CACNA1D: variants seen among roughly 807,000 people sequenced by gnomAD.
CACNA1D encodes the protein voltage-dependent L-type calcium channel subunit alpha-1D.
In CACNA1D, 55 loss-of-function variants were observed where a neutral mutation model predicts 257.1. The ratio of observed to expected loss-of-function variants is 0.21; its 90% CI spans 0.17 to 0.27. The LOEUF (loss-of-function observed/expected upper bound fraction) is 0.27. Ranked by LOEUF, CACNA1D falls within the 10% of genes least tolerant of loss-of-function variation. The probability of loss-of-function intolerance (pLI) is 1.00; values close to 1 mark genes in which losing one functional copy is unlikely to be tolerated. For synonymous variants in CACNA1D, 980 were observed against 1,014.9 expected (o/e 0.97, Z 0.65); for missense variants, 1,876 against 2,784.0 (o/e 0.67, Z 7.34).
chr3:53,811,446 G>A lies in CACNA1D; in HGVS notation c.*40G>A. 2 of 1,488,094 alleles carry A rather than the reference G, an allele frequency of 1.3e-6. No homozygotes were observed. Among genetic ancestry groups the A allele is most frequent in the Non-Finnish European group, 1.8e-6 (2 of 1,114,706 alleles). The allele number at this position is 1,488,094 out of a possible 1,614,324, so 92.2% of individuals were successfully genotyped here. A position where few individuals can be genotyped will look rare whatever the true frequency, so the allele number is the denominator to read the frequency against. Reference sequence around the variant, plus strand: ...CAGACTGGCTCTGGCCTCAGGTGGGGCGCAGGAGAGCCAGGGGAAAAGTGC... The same window carrying A: ...CAGACTGGCTCTGGCCTCAGGTGGGACGCAGGAGAGCCAGGGGAAAAGTGC... On this transcript the variant is annotated 3_prime_UTR_variant, in exon 48 of 48. Coordinates refer to ENST00000350061, the MANE Select transcript of CACNA1D (RefSeq NM_001128840.3). This position sits in a 1 kb window ranked among gnomAD's most constrained non-coding sequence, Gnocchi z 4.2.
chr3:53,757,892 G>T (rs1293034260), intron 29 of CACNA1D, among the ~76,000 whole-genome samples: 1 of 152,166 alleles, frequency 6.6e-6, no homozygotes, highest in Non-Finnish European at 1.5e-5. Flanking sequence ...GCATCCGTTG[G>T]GGGCCTACTA....
chr3:53,573,955 C>A (rs141180416), intron 3 of CACNA1D, among the ~76,000 whole-genome samples: 1 of 152,142 alleles, frequency 6.6e-6, no homozygotes, highest in Non-Finnish European at 1.5e-5. Context: ...ATGAAGGAGT[C>A]GAGGAATAAG....
At chr3:53,672,917 G>C (rs1281123024) in intron 7 of CACNA1D, 106 bp from the exon 8 acceptor site, 2 of 743,562 alleles carry the variant, frequency 2.7e-6, no homozygotes, top group Non-Finnish European at 4.6e-6. Context: ...TTAAATCTAA[G>C]TAAATGTTTA....
In CACNA1D at chr3:53,808,724, T is replaced by C; in HGVS notation, c.5825T>C (p.Ile1942Thr). The C allele has an allele frequency of 6.2e-7, 1 of 1,608,934 alleles. No individual in the cohort carries two copies. The change falls in exon 46 of 48, where the codon ATC becomes ACC. Residue 1942 changes from isoleucine (I) to threonine (T), a missense_variant. Ile to Thr is a moderately conservative substitution (Grantham distance 89, BLOSUM62 -1). This residue lies in a region of CACNA1D where 491 missense variants were observed against 554.3 expected (regional missense o/e 0.89). Coordinates refer to ENST00000350061, the MANE Select transcript of CACNA1D (RefSeq NM_001128840.3). ...SSQEEVPSSP[I>T]FPHRTALPLH... ...CAGGAAGAGGTCCCGTCGTCTCCCA[T>C]CTTCCCCCATCGCACGGCCCTGCCT... is the stretch of plus-strand genomic sequence containing the variant.
In CACNA1D at chr3:53,678,676, C is replaced by T. The variant is rs184352208; in HGVS notation, c.1220+5550C>T. Among the ~76,000 whole-genome samples, 586 of 152,286 alleles carry T rather than the reference C, an allele frequency of 3.8e-3. 5 individuals carry two copies. Among genetic ancestry groups the T allele is most frequent in the Middle Eastern group, 0.017 (5 of 294 alleles). The stretch of plus-strand genomic sequence containing the variant: ...CTCAGGCATGGCTACTTTTAGGAAG[C>T]TTTGGTTTCCTAAGGCAAAGATTCA... On this transcript the variant is annotated intron_variant, in intron 8 of 47. Coordinates refer to ENST00000350061, the MANE Select transcript of CACNA1D (RefSeq NM_001128840.3).
intron 3 of CACNA1D, among the ~76,000 whole-genome samples, chr3:53,555,439 T>TGG (rs748894322): frequency 0.25 from 23,221 of 94,492 alleles, 3,203 homozygotes; most frequent in Non-Finnish European, 0.35. Context: ...TTCTGGTGGG[T>TGG]GTGTGTGTGT....
intron 3 of CACNA1D, among the ~76,000 whole-genome samples, chr3:53,578,986 G>A (rs1028375780): frequency 1.3e-5 from 2 of 152,154 alleles, no homozygotes; most frequent in African/African-American, 4.8e-5. Context: ...ACGAGGATGG[G>A]TATGCTGGGG....
At chr3:53,579,669 A>G (rs1406988017) in intron 3 of CACNA1D, among the ~76,000 whole-genome samples, 2 of 152,208 alleles carry the variant, frequency 1.3e-5, no homozygotes, top group Non-Finnish European at 2.9e-5. Flanking sequence ...GGTTGCTCTG[A>G]ACTGAACTTA....
chr3:53,763,249 C>T (rs1022420085), intron 30 of CACNA1D, among the ~76,000 whole-genome samples: 3 of 152,234 alleles, frequency 2.0e-5, no homozygotes, highest in South Asian at 4.1e-4. Context: ...GGTGTCAGTC[C>T]GCCTTTGTTA....
chr3:53,625,430 C>T (rs2093746184), intron 3 of CACNA1D, among the ~76,000 whole-genome samples: 1 of 152,198 alleles, frequency 6.6e-6, no homozygotes, highest in African/African-American at 2.4e-5. Context: ...TGCCTCTTGT[C>T]TCCAGCACTT....
At chr3:53,792,529 G>A (rs1184858501) in intron 40 of CACNA1D, 5 of 152,348 alleles carry the variant, frequency 3.3e-5, no homozygotes, top group African/African-American at 2.4e-5. Flanking sequence ...GTGTGCGAGT[G>A]CGTGTGTATG....
chr3:53,800,353 T>A lies in CACNA1D; in HGVS notation c.5028T>A (p.Asp1676Glu), dbSNP rs748990289. Residue 1676 changes from aspartate to glutamate, a missense_variant, in exon 41 of 48, where the codon GAT becomes GAA. Asp to Glu is a conservative substitution (Grantham distance 45). Transcript: ENST00000350061. This position sits in a 1 kb window ranked among gnomAD's most constrained non-coding sequence, Gnocchi z 4.3. ...EPEETKREEE[D>E]DVFKRNGALL... ...AGGAAACAAAACGAGAAGAAGAAGA[T>A]GATGTGTTCAAAGTAATTATTCCAC... 5.0e-6 allele frequency: 8 copies of A among 1,605,068 alleles called. No individual in the cohort carries two copies. The highest frequency in any genetic ancestry group is 2.2e-5 in the South Asian group (2 of 90,894).
At chr3:53,593,788 C>T (rs1418524028) in intron 3 of CACNA1D, among the ~76,000 whole-genome samples, 7 of 152,094 alleles carry the variant, frequency 4.6e-5, no homozygotes, top group African/African-American at 1.4e-4. Context: ...CCAACTAGCA[C>T]GTGGGCAGAA....
At chr3:53,549,091 G>A (rs145114352) in intron 3 of CACNA1D, among the ~76,000 whole-genome samples, 6 of 152,266 alleles carry the variant, frequency 3.9e-5, no homozygotes, top group East Asian at 3.9e-4. Flanking sequence ...AGCACTTAGC[G>A]GGCCTTAAGA....
intron 5 of CACNA1D, 39 bp downstream of exon 5, chr3:53,660,314 G>A (rs1559480278): frequency 6.2e-7 from 1 of 1,608,918 alleles, no homozygotes; most frequent in East Asian, 2.2e-5. Flanking sequence ...GAGTGTGCTG[G>A]TTTTTTCTTC....
intron 3 of CACNA1D, among the ~76,000 whole-genome samples, chr3:53,539,565 G>C (rs2092239192): frequency 6.6e-6 from 1 of 152,202 alleles, no homozygotes; most frequent in Non-Finnish European, 1.5e-5. Context: ...TGCTGTTAAA[G>C]AATTGCTGCT....
intron 7 of CACNA1D, among the ~76,000 whole-genome samples, chr3:53,668,634 G>A (rs1200327896): frequency 6.6e-6 from 1 of 152,120 alleles, no homozygotes; most frequent in African/African-American, 2.4e-5. Context: ...GAGTTCTACA[G>A]CAAATGGTTG....
chr3:53,810,743 G>A (rs1258548748), intron 47 of CACNA1D, among the ~76,000 whole-genome samples: 1 of 110,032 alleles, frequency 9.1e-6, no homozygotes, highest in Non-Finnish European at 1.7e-5. Flanking sequence ...GGGCCACAGA[G>A]CGAGACTCTT....
At chr3:53,691,888 T>A (rs7632441) in intron 8 of CACNA1D, among the ~76,000 whole-genome samples, 6 of 57,838 alleles carry the variant, frequency 1.0e-4, no homozygotes, top group Non-Finnish European at 1.7e-4. Context: ...ATAATATATA[T>A]TATATATATT....
Sources: gnomAD v4.1 joint callset for allele counts (sites outside exome capture counted in the v4.1 genomes callset) on GRCh38, gnomAD v4.1.1 for gene constraint, gnomAD v4.1.1 regional missense constraint, Gnocchi (gnomAD v3.1) non-coding constraint, MANE v1.5 for transcripts, NCBI Gene and HGNC (gene_info 2026-07-23, HGNC 2026-07-21) for gene names.